ANKFN1: variants seen among roughly 807,000 people sequenced by gnomAD.
ANKFN1 encodes the protein ankyrin repeat and fibronectin type-III domain-containing protein 1.
ANKFN1 carries 74 observed loss-of-function variants against 108.7 expected under a neutral mutation model. The ratio of observed to expected loss-of-function variants is 0.68; its 90% confidence interval spans 0.56 to 0.83. ANKFN1 has a LOEUF of 0.83. ANKFN1 is among the 40% of genes least tolerant of loss of function. ANKFN1 has a pLI of 0.00. For synonymous variants in ANKFN1, 547 were observed against 516.2 expected (o/e 1.06, Z -0.81); for missense variants, 1,505 against 1,382.3 (o/e 1.09, Z -1.41).
chr17:56,122,568 C>A (rs533632550), intron 4 of ANKFN1, among the ~76,000 whole-genome samples: 1 of 152,258 alleles, frequency 6.6e-6, no homozygotes, highest in Non-Finnish European at 1.5e-5. Flanking sequence ...AACTCAGGAT[C>A]CCACAGAGAA....
chr17:56,480,654 G>T lies in ANKFN1; in HGVS notation c.1941-14G>T. ...TTTGTTATATTTCTAATTTTAACTTGACTCAACATACAGAGAGGAATGGGA... is the reference window on the plus strand; with the variant it reads ...TTTGTTATATTTCTAATTTTAACTTTACTCAACATACAGAGAGGAATGGGA... On this transcript the variant is annotated splice_polypyrimidine_tract_variant and intron_variant, in intron 16 of 20. Coordinates refer to ENST00000682825, the MANE Select transcript of ANKFN1 (RefSeq NM_001370326.1). 1 of 1,611,938 alleles carries T rather than the reference G, an allele frequency of 6.2e-7. No homozygotes were observed. The highest frequency in any genetic ancestry group is 1.1e-5 in the South Asian group (1 of 90,928).
chr17:56,250,704 A>C (rs750867278), intron 3 of ANKFN1, among the ~76,000 whole-genome samples: 41 of 152,256 alleles, frequency 2.7e-4, no homozygotes, highest in Admixed American at 4.6e-4. Flanking sequence ...GTTCAGCCCA[A>C]GGTTTCCCTT....
chr17:56,130,257 G>A (rs1052009176), intron 4 of ANKFN1, among the ~76,000 whole-genome samples: 5 of 152,130 alleles, frequency 3.3e-5, no homozygotes, highest in African/African-American at 1.2e-4. Flanking sequence ...TAGCTTCCTG[G>A]CAGGCCCTCG....
chr17:56,493,553 T>C lies in ANKFN1; in HGVS notation c.2427+1200T>C, dbSNP rs138299013. Among the ~76,000 whole-genome samples the C allele has an allele frequency of 3.3e-4, 51 of 152,250 alleles. No individual in the cohort carries two copies. In the East Asian group the frequency reaches 9.8e-3, roughly 29 times the overall value. On this transcript the variant is annotated intron_variant, in intron 19 of 20. Transcript: ENST00000682825. ...ATTAGGCAAGAAGGAAAGATGTCAA[T>C]GATAGCAGATCACAAGGGCTTTATT...
chr17:56,407,931 CTT>C (rs761975892), intron 8 of ANKFN1, among the ~76,000 whole-genome samples: 218 of 104,618 alleles, frequency 2.1e-3, no homozygotes, highest in African/African-American at 5.9e-3. Flanking sequence ...TCTTTTTTAT[CTT>C]TTTTTTTTTT....
chr17:56,048,621 A>G (rs1000667372), intron 4 of ANKFN1, among the ~76,000 whole-genome samples: 1 of 152,178 alleles, frequency 6.6e-6, no homozygotes, highest in African/African-American at 2.4e-5. Context: ...CACTCTGTCC[A>G]TGACAGGCAT....
chr17:56,268,957 T>TA, intron 3 of ANKFN1, among the ~76,000 whole-genome samples: 1 of 152,308 alleles, frequency 6.6e-6, no homozygotes, highest in East Asian at 1.9e-4. Flanking sequence ...GCTTCACAAA[T>TA]AACTGACTCC....
intron 3 of ANKFN1, among the ~76,000 whole-genome samples, chr17:56,267,481 T>C (rs2043682177): frequency 6.6e-6 from 1 of 152,216 alleles, no homozygotes; most frequent in Non-Finnish European, 1.5e-5. Flanking sequence ...CATGAACTCA[T>C]TGACAGGGCC....
At chr17:56,210,871 GC>G (rs938228612) in intron 1 of ANKFN1, among the ~76,000 whole-genome samples, 1 of 152,128 alleles carries the variant, frequency 6.6e-6, no homozygotes, top group African/African-American at 2.4e-5. Context: ...GGGGGAAACC[GC>G]CCCCTTGATT....
At position 56,391,251 on chromosome 17, in the gene ANKFN1, ATGTG is replaced by A. The variant is rs370505483; in HGVS notation, c.910+16551_910+16554del. 2.5e-3 allele frequency among the ~76,000 whole-genome samples: 343 copies of A among 135,022 alleles called. 1 individual carries two copies. The highest frequency in any genetic ancestry group is 9.4e-3 in the African/African-American group (303 of 32,096). 88.6% of individuals were successfully genotyped at this position (135,022 alleles called of 152,430 possible). A position where few individuals can be genotyped will look rare whatever the true frequency, so the allele number is the denominator to read the frequency against. On this transcript the variant is annotated intron_variant, in intron 8 of 20. Transcript: ENST00000682825. ...TATATATATATATATATATATATGT[ATGTG>A]TGTGTGTGTGTGTACATATATATAT...
chr17:56,357,598 G>C (rs560605990), intron 6 of ANKFN1, among the ~76,000 whole-genome samples: 2 of 152,312 alleles, frequency 1.3e-5, no homozygotes, highest in Admixed American at 6.5e-5. Context: ...GTGTTGGAGA[G>C]AGGCAGGATA....
At chr17:56,343,385 G>C (rs1182607046) in intron 4 of ANKFN1, among the ~76,000 whole-genome samples, 2 of 151,890 alleles carry the variant, frequency 1.3e-5, no homozygotes, top group African/African-American at 4.8e-5. Context: ...ATTCTTGACA[G>C]TCTTTTTTGT....
chr17:56,324,023 G>A (rs1037179513), intron 3 of ANKFN1, among the ~76,000 whole-genome samples: 2 of 152,140 alleles, frequency 1.3e-5, no homozygotes, highest in African/African-American at 2.4e-5. Context: ...AAGGCTGTAC[G>A]GGAGTTAGCC....
intron 8 of ANKFN1, among the ~76,000 whole-genome samples, chr17:56,388,428 A>G (rs942859660): frequency 6.6e-6 from 1 of 152,180 alleles, no homozygotes; most frequent in Non-Finnish European, 1.5e-5. Flanking sequence ...CACTGCACCC[A>G]GTCAGCTATT....
chr17:56,327,080 T>C (rs2045537767), intron 4 of ANKFN1, among the ~76,000 whole-genome samples: 1 of 152,214 alleles, frequency 6.6e-6, no homozygotes, highest in East Asian at 1.9e-4. Flanking sequence ...GTGCTGATCA[T>C]TGGCCTGGTC....
intron 6 of ANKFN1, among the ~76,000 whole-genome samples, chr17:56,370,004 T>G (rs2046766632): frequency 6.6e-6 from 1 of 152,350 alleles, no homozygotes; most frequent in African/African-American, 2.4e-5. Context: ...CTAAATAATA[T>G]GCTTAATCAA....
At chr17:56,431,204 C>T (rs907138160) in intron 8 of ANKFN1, among the ~76,000 whole-genome samples, 3 of 152,056 alleles carry the variant, frequency 2.0e-5, no homozygotes, top group South Asian at 4.1e-4. Context: ...AGTTTTGGGT[C>T]GAAGCAGACC....
At chr17:56,339,254 A>G (rs769056862) in intron 4 of ANKFN1, among the ~76,000 whole-genome samples, 1 of 152,034 alleles carries the variant, frequency 6.6e-6, no homozygotes, top group Non-Finnish European at 1.5e-5. Flanking sequence ...TGCTCTCTTT[A>G]TATTTATACT....
At chr17:56,385,140 G>T (rs2047223289) in intron 8 of ANKFN1, among the ~76,000 whole-genome samples, 1 of 151,392 alleles carries the variant, frequency 6.6e-6, no homozygotes, top group Non-Finnish European at 1.5e-5. Flanking sequence ...CAATGGAACA[G>T]AACAGAGCCC....
Sources: allele counts gnomAD v4.1 joint callset (sites outside exome capture counted in the v4.1 genomes callset), GRCh38; gene constraint gnomAD v4.1.1; transcripts MANE v1.5; gene names NCBI Gene and HGNC (gene_info 2026-07-23, HGNC 2026-07-21).